The following DACH2 variants were observed in gnomAD, a reference collection of about 807,000 sequenced individuals.
DACH2 encodes the protein dachshund homolog 2.
DACH2 carries 17 observed loss-of-function variants against 35.8 expected under a neutral mutation model. The ratio of observed to expected loss-of-function variants is 0.48; its 90% confidence interval spans 0.33 to 0.71. The LOEUF is 0.71. Ranked by LOEUF, DACH2 falls within the 30% of genes least tolerant of loss-of-function variation. The probability of loss-of-function intolerance (pLI) is 0.02; values close to 1 mark genes in which losing one functional copy is unlikely to be tolerated. For missense variants in DACH2, 469 were observed against 472.7 expected (o/e 0.99, Z 0.07); for synonymous variants, 195 against 177.3 (o/e 1.10, Z -0.79).
chrX:86,375,347 G>GTATAATTATATATAATACATA (rs1485823931), intron 1 of DACH2, among the ~76,000 whole-genome samples: 9 of 98,905 alleles, frequency 9.1e-5, no homozygotes, highest in East Asian at 3.0e-4. Context: ...TATTTATATA[G>GTATAATTATATATAATACATA]TATAATTATA....
At chrX:86,332,014 T>A (rs1251507501) in intron 1 of DACH2, among the ~76,000 whole-genome samples, 1 of 112,012 alleles carries the variant, frequency 8.9e-6, no homozygotes, top group African/African-American at 3.2e-5. Context: ...TCTTTAATAC[T>A]TGGTTAACCT....
intron 2 of DACH2, among the ~76,000 whole-genome samples, chrX:86,408,042 C>G (rs1838387590): frequency 9.0e-6 from 1 of 110,773 alleles, no homozygotes; most frequent in African/African-American, 3.3e-5. Flanking sequence ...TACAGTGCCC[C>G]TTTCACCACG....
At chrX:86,428,059 T>A (rs2036922930) in intron 2 of DACH2, among the ~76,000 whole-genome samples, 1 of 112,014 alleles carries the variant, frequency 8.9e-6, no homozygotes, top group Non-Finnish European at 1.9e-5. Flanking sequence ...AAAGTTAGAC[T>A]ACCTGTCCTA....
Position 86,149,047 on chromosome X carries a change from C to A in DACH2, c.427C>A (p.Arg143Ser). The change falls in exon 1 of 12, where the codon CGC (arginine) becomes AGC (serine). Residue 143 changes from arginine (R) to serine (S), a missense_variant. Arg to Ser is a moderately radical substitution (Grantham distance 110). This residue lies in a region of DACH2 where 7 missense variants were observed against 24.1 expected (regional missense o/e 0.29). Transcript: ENST00000373125. ...GLGAIQPGVN[R>S]CKLITRKDFE... ...GGGGGCCATCCAGCCCGGGGTAAAC[C>A]GCTGCAAACTCATCACCAGGAAAGA... 1 of 1,200,860 alleles carries A rather than the reference C, an allele frequency of 8.3e-7. No homozygotes were observed. The highest frequency in any genetic ancestry group is 1.8e-5 in the South Asian group (1 of 55,528).
At chrX:86,205,635 A>T (rs1297437771) in intron 1 of DACH2, among the ~76,000 whole-genome samples, 1 of 103,185 alleles carries the variant, frequency 9.7e-6, no homozygotes, top group Admixed American at 1.1e-4. Flanking sequence ...ATCATAGCTC[A>T]CTACAACCTC....
chrX:86,584,904 T>C (rs1382453671), intron 3 of DACH2, among the ~76,000 whole-genome samples: 2 of 111,009 alleles, frequency 1.8e-5, no homozygotes, highest in Non-Finnish European at 3.8e-5. Flanking sequence ...GAACATGCAA[T>C]ATTTGATTTT....
At chrX:86,719,915 C>CT (rs370796091) in intron 6 of DACH2, among the ~76,000 whole-genome samples, 27 of 92,551 alleles carry the variant, frequency 2.9e-4, no homozygotes, top group Admixed American at 7.8e-4. Flanking sequence ...CCCTCCAAAT[C>CT]TTTTTTTTTC....
rs1033139571 is a variant in DACH2 at position 86,832,275 on chromosome X, C to T, written c.*120C>T. 21 of 546,536 alleles carry T rather than the reference C, an allele frequency of 3.8e-5. No individual in the cohort carries two copies. The highest frequency in any genetic ancestry group is 3.8e-4 in the African/African-American group (16 of 42,058). The allele number at this position is 546,536 out of a possible 1,213,427, so 45.0% of individuals were successfully genotyped here. On this transcript the variant is annotated 3_prime_UTR_variant, in exon 12 of 12. Transcript: ENST00000373125. ...AGCAAAGCTTTGTTTACTGAAGGAG[C>T]TATTTAATCTATGTTACATTAAAAA...
chrX:86,370,877 C>T lies in DACH2; in HGVS notation c.489-5947C>T, dbSNP rs888394975. On this transcript the variant is annotated intron_variant, in intron 1 of 11. Transcript: ENST00000373125. Reference sequence around the variant, plus strand: ...CTAAAGATATTTAATGGGCATCATGCTTGATGGTACATATATTCATATATC... The same window carrying T: ...CTAAAGATATTTAATGGGCATCATGTTTGATGGTACATATATTCATATATC... 2.7e-5 allele frequency among the ~76,000 whole-genome samples: 3 copies of T among 111,067 alleles called. No homozygotes were observed. The Admixed American group carries it at 2.9e-4, about 11-fold the overall frequency.
At chrX:86,375,279 A>C (rs960341231) in intron 1 of DACH2, among the ~76,000 whole-genome samples, 8 of 104,990 alleles carry the variant, frequency 7.6e-5, no homozygotes, top group Non-Finnish European at 1.6e-4. Flanking sequence ...TATGAAACTC[A>C]TGCCATAGGA....
intron 5 of DACH2, among the ~76,000 whole-genome samples, chrX:86,696,908 C>T (rs771308028): frequency 1.8e-5 from 2 of 111,632 alleles, no homozygotes; most frequent in Admixed American, 9.5e-5. Context: ...GCTCATAGTG[C>T]TCTGTTCTCC....
intron 3 of DACH2, among the ~76,000 whole-genome samples, chrX:86,532,517 T>C (rs567947572): frequency 9.1e-6 from 1 of 109,985 alleles, no homozygotes; most frequent in African/African-American, 3.3e-5. Flanking sequence ...TCTCTCTATT[T>C]TGCTACCATG....
chrX:86,188,995 T>C (rs1415356182), intron 1 of DACH2, among the ~76,000 whole-genome samples: 1 of 112,357 alleles, frequency 8.9e-6, no homozygotes, highest in Admixed American at 9.5e-5. Flanking sequence ...TCAACATTTA[T>C]TCATTGAAGA....
chrX:86,456,895 A>G (rs908260496), intron 2 of DACH2, among the ~76,000 whole-genome samples: 1 of 111,093 alleles, frequency 9.0e-6, no homozygotes, highest in African/African-American at 3.3e-5. Context: ...TTTTCTCAAT[A>G]TGTCAAATAT....
At chrX:86,333,106 C>A (rs775867116) in intron 1 of DACH2, among the ~76,000 whole-genome samples, 1 of 111,497 alleles carries the variant, frequency 9.0e-6, no homozygotes, top group East Asian at 2.8e-4. Flanking sequence ...TAGGGATAAA[C>A]GACTGTATGA....
intron 4 of DACH2, among the ~76,000 whole-genome samples, chrX:86,690,761 G>A (rs1444174077): frequency 2.7e-5 from 3 of 110,132 alleles, no homozygotes; most frequent in African/African-American, 6.5e-5. Flanking sequence ...ATATTTCTAC[G>A]AAGTAAGGGC....
chrX:86,254,807 T>TATATATATATATATAG (rs1380613474), intron 1 of DACH2, among the ~76,000 whole-genome samples: 26 of 49,642 alleles, frequency 5.2e-4, no homozygotes, highest in South Asian at 1.4e-3. Context: ...TATATATATA[T>TATATATATATATATAG]AGAGAGAGAG....
intron 2 of DACH2, among the ~76,000 whole-genome samples, chrX:86,451,430 T>C (rs1027693248): frequency 2.6e-4 from 29 of 111,684 alleles, no homozygotes; most frequent in Non-Finnish European, 4.3e-4. Context: ...TCATTTCTTG[T>C]ACTAGTGCCA....
intron 3 of DACH2, among the ~76,000 whole-genome samples, chrX:86,602,636 C>T (rs1228640578): frequency 8.9e-6 from 1 of 111,757 alleles, no homozygotes; most frequent in Non-Finnish European, 1.9e-5. Flanking sequence ...TGCTTTTGTG[C>T]GTTCCTTCTT....
Sources: allele counts gnomAD v4.1 joint callset (sites outside exome capture counted in the v4.1 genomes callset), GRCh38; gene constraint gnomAD v4.1.1; regional missense constraint gnomAD v4.1.1; transcripts MANE v1.5; gene names NCBI Gene and HGNC (gene_info 2026-07-23, HGNC 2026-07-21).